Variants in NEBL observed in about 807,000 individuals in gnomAD.
The protein encoded by NEBL is LIM and SH3 protein 2.
In NEBL, 122 loss-of-function variants were observed where a neutral mutation model predicts 140.2. The ratio of observed to expected loss-of-function variants is 0.87; its 90% confidence interval spans 0.75 to 1.01. NEBL has a LOEUF of 1.01. Among genes scored for constraint, NEBL ranks in the 50% least tolerant of loss-of-function variants. The pLI is 0.00. For synonymous variants in NEBL, 436 were observed against 398.9 expected (o/e 1.09, Z -1.11); for missense variants, 1,365 against 1,231.3 (o/e 1.11, Z -1.62).
At chr10:21,138,822 TAA>T (rs60213612) in intron 2 of NEBL, among the ~76,000 whole-genome samples, 60 of 120,134 alleles carry the variant, frequency 5.0e-4, no homozygotes, top group South Asian at 8.0e-4. Context: ...CTAAACTATT[TAA>T]AAAAAAAAAA....
In NEBL at chr10:20,780,053, A is replaced by C. The variant is rs964110807; in HGVS notation, c.*5694T>G. ...ACAATTAGGAAGGATTATGAGCCAA[A>C]GAGAAAGTTTTACAAAATAATACAA... On this transcript the variant is annotated 3_prime_UTR_variant, in exon 28 of 28. Transcript: ENST00000377122. 2.6e-5 allele frequency: 4 copies of C among 152,204 alleles called. No individual in the cohort carries two copies. The highest frequency in any genetic ancestry group is 2.6e-4 in the Admixed American group (4 of 15,288). 9.4% of individuals were successfully genotyped at this position (152,204 alleles called of 1,614,324 possible). A position where few individuals can be genotyped will look rare whatever the true frequency, so the allele number is the denominator to read the frequency against.
At chr10:20,959,502 C>G (rs1835952808) in intron 4 of NEBL, among the ~76,000 whole-genome samples, 1 of 152,034 alleles carries the variant, frequency 6.6e-6, no homozygotes, top group South Asian at 2.1e-4. Context: ...CTTTTTGGAT[C>G]AACCCAAGTT....
intron 4 of NEBL, among the ~76,000 whole-genome samples, chr10:20,926,602 T>C (rs148070879): frequency 1.4e-3 from 219 of 152,338 alleles, no homozygotes; most frequent in African/African-American, 4.8e-3. Flanking sequence ...ATAGGACTTA[T>C]GCTCCAGGAA....
intron 2 of NEBL, among the ~76,000 whole-genome samples, chr10:21,035,515 A>G (rs1049717849): frequency 4.6e-5 from 7 of 152,174 alleles, no homozygotes; most frequent in African/African-American, 1.4e-4. Context: ...AAAATATATC[A>G]GCTCTTCTTT....
At chr10:21,291,449 T>A (rs963444941) in intron 1 of NEBL, among the ~76,000 whole-genome samples, 1 of 149,484 alleles carries the variant, frequency 6.7e-6, no homozygotes, top group Admixed American at 6.7e-5. Flanking sequence ...GGAGTTGCAG[T>A]GAGCCCATAT....
chr10:20,850,573 A>G (rs1842410925), intron 10 of NEBL, 71 bp from the exon 11 acceptor site: 3 of 995,646 alleles, frequency 3.0e-6, no homozygotes, highest in Non-Finnish European at 4.7e-6. Flanking sequence ...AAGAAAAAAT[A>G]TATGTTCTAA....
chr10:21,282,219 C>A (rs1843001776), intron 1 of NEBL, among the ~76,000 whole-genome samples: 1 of 152,170 alleles, frequency 6.6e-6, no homozygotes, highest in Non-Finnish European at 1.5e-5. Context: ...GGAGCCTCTG[C>A]CCAGCCGGTG....
chr10:20,819,133 G>T (rs1839022252), intron 20 of NEBL: 1 of 903,196 alleles, frequency 1.1e-6, no homozygotes, highest in Non-Finnish European at 1.5e-6. Flanking sequence ...TTGTGTTATG[G>T]GAGTTTGTTG....
At chr10:21,134,100 C>G (rs1839237438) in intron 2 of NEBL, among the ~76,000 whole-genome samples, 1 of 152,014 alleles carries the variant, frequency 6.6e-6, no homozygotes, top group African/African-American at 2.4e-5. Context: ...GTGTCACGTG[C>G]CTGTAGTCCC....
intron 4 of NEBL, among the ~76,000 whole-genome samples, chr10:20,934,051 G>T (rs1342186961): frequency 4.6e-5 from 7 of 151,992 alleles, no homozygotes; most frequent in Non-Finnish European, 1.0e-4. Flanking sequence ...AAAAAAAAAG[G>T]CCCCATTTTA....
At chr10:20,789,379 TG>T (rs1835719662) in intron 26 of NEBL, among the ~76,000 whole-genome samples, 1 of 152,246 alleles carries the variant, frequency 6.6e-6, no homozygotes, top group Non-Finnish European at 1.5e-5. Context: ...CATCTTTAAA[TG>T]TTTAAGAAAA....
chr10:20,834,901 T>C (rs992221419), intron 14 of NEBL, among the ~76,000 whole-genome samples: 1 of 152,200 alleles, frequency 6.6e-6, no homozygotes, highest in African/African-American at 2.4e-5. Context: ...ACCCAGCCTG[T>C]CACAGAATTT....
At chr10:20,995,161 T>A (rs573802368) in intron 3 of NEBL, among the ~76,000 whole-genome samples, 2 of 151,970 alleles carry the variant, frequency 1.3e-5, no homozygotes, top group Non-Finnish European at 2.9e-5. Context: ...CAAGGGAAAA[T>A]GATCTTGAAA....
At chr10:21,187,317 A>C (rs1208302210) in intron 3 of NEBL, among the ~76,000 whole-genome samples, 8 of 152,044 alleles carry the variant, frequency 5.3e-5, no homozygotes, top group Admixed American at 4.6e-4. Context: ...ATGAGAATGG[A>C]CTAATACACT....
intron 4 of NEBL, among the ~76,000 whole-genome samples, chr10:20,915,020 C>G (rs1848485717): frequency 1.5e-5 from 2 of 136,610 alleles, no homozygotes; most frequent in Non-Finnish European, 3.0e-5. Flanking sequence ...CCAGGCTGGT[C>G]TCAAACTCCT....
At chr10:20,855,308 T>A (rs76126182) in intron 9 of NEBL, among the ~76,000 whole-genome samples, 8,838 of 151,854 alleles carry the variant, frequency 0.058, 368 homozygotes, top group Middle Eastern at 0.12. Context: ...ATAATTTGAT[T>A]AGAAGTTATC....
chr10:21,052,252 T>C (rs1201712497), intron 2 of NEBL, among the ~76,000 whole-genome samples: 1 of 152,214 alleles, frequency 6.6e-6, no homozygotes, highest in Non-Finnish European at 1.5e-5. Flanking sequence ...TGTCAGCAGA[T>C]GTCACTTCAT....
At chr10:21,114,335 G>A (rs1838180974) in intron 2 of NEBL, among the ~76,000 whole-genome samples, 1 of 151,966 alleles carries the variant, frequency 6.6e-6, no homozygotes, top group African/African-American at 2.4e-5. Flanking sequence ...TTTGTTTTAT[G>A]GCCCAAAATA....
At chr10:21,031,806 G>A (rs1833807317) in intron 2 of NEBL, among the ~76,000 whole-genome samples, 1 of 151,934 alleles carries the variant, frequency 6.6e-6, no homozygotes, top group Non-Finnish European at 1.5e-5. Flanking sequence ...ACTTCTTCCA[G>A]GACAGAGTAT....
Sources: allele counts gnomAD v4.1 joint callset (sites outside exome capture counted in the v4.1 genomes callset), GRCh38; gene constraint gnomAD v4.1.1; transcripts MANE v1.5; gene names NCBI Gene and HGNC (gene_info 2026-07-23, HGNC 2026-07-21).